The following BDP1 variants were observed in gnomAD, a reference collection of about 807,000 sequenced individuals.
The protein encoded by BDP1 is transcription factor TFIIIB component B'' homolog.
BDP1 carries 169 observed loss-of-function variants against 266.6 expected under a neutral mutation model. The observed-to-expected ratio is 0.63, with a 90% CI of 0.56 to 0.72. The LOEUF (loss-of-function observed/expected upper bound fraction) is 0.72, where lower values mean the gene tolerates loss of function less well. Ranked by LOEUF, BDP1 falls within the 30% of genes least tolerant of loss-of-function variation. BDP1 has a pLI of 0.00. For synonymous variants in BDP1, 1,090 were observed against 1,022.4 expected (o/e 1.07, Z -1.26); for missense variants, 3,015 against 3,053.8 (o/e 0.99, Z 0.30).
chr5:71,562,956 G>T (rs1207902761), intron 38 of BDP1: 7 of 1,183,454 alleles, frequency 5.9e-6, no homozygotes, highest in Non-Finnish European at 7.5e-6. Flanking sequence ...AAATATTGGG[G>T]TGACTTAAGA....
intron 28 of BDP1, among the ~76,000 whole-genome samples, chr5:71,541,001 T>G (rs1362360921): frequency 6.6e-6 from 1 of 152,102 alleles, no homozygotes; most frequent in African/African-American, 2.4e-5. Flanking sequence ...ATCAGGAAAG[T>G]CTCTGATTTG....
intron 2 of BDP1, among the ~76,000 whole-genome samples, chr5:71,461,356 G>T (rs764336338): frequency 6.6e-6 from 1 of 151,840 alleles, no homozygotes; most frequent in African/African-American, 2.4e-5. Flanking sequence ...GTTCACTCCA[G>T]TGCTTTAGGA....
intron 35 of BDP1, among the ~76,000 whole-genome samples, chr5:71,556,018 T>C (rs1743193533): frequency 2.0e-5 from 3 of 151,920 alleles, no homozygotes; most frequent in Non-Finnish European, 4.4e-5. Flanking sequence ...TTCCATTTGT[T>C]TAAGTCTTGT....
Position 71,544,350 on chromosome 5 carries a change from G to A in BDP1, c.6413-7G>A. 1 of 1,605,818 alleles carries A rather than the reference G, an allele frequency of 6.2e-7. No homozygotes were observed. The highest frequency in any genetic ancestry group is 8.5e-7 in the Non-Finnish European group (1 of 1,177,880). Reference sequence around the variant, plus strand: ...GGTCTATATCGTAAGTGTGCTTTTTGTTTAAGAAACAGAGAAAAATGCTTC... The same window carrying A: ...GGTCTATATCGTAAGTGTGCTTTTTATTTAAGAAACAGAGAAAAATGCTTC... On this transcript the variant is annotated splice_region_variant and splice_polypyrimidine_tract_variant and intron_variant, in intron 30 of 38. Transcript: ENST00000358731.
In BDP1 at chr5:71,510,193, A is replaced by G. The variant is rs557193260; in HGVS notation, c.3101A>G (p.Glu1034Gly). ...CCAGAGGTGATTGATGCTACTGAGGAAATAGATTTGGAAGAAACTGAAAGA... is the reference window on the plus strand; with the variant it reads ...CCAGAGGTGATTGATGCTACTGAGGGAATAGATTTGGAAGAAACTGAAAGA... ...KTPEVIDATE[E>G]IDLEETEREV... The change falls in exon 17 of 39, where the codon GAA becomes GGA. Residue 1034 changes from glutamate (E) to glycine (G), a missense_variant. Glu to Gly is a moderately conservative substitution (Grantham distance 98, BLOSUM62 -2). Coordinates refer to ENST00000358731, the MANE Select transcript of BDP1 (RefSeq NM_018429.3). 36 of 1,613,846 alleles carry G rather than the reference A, an allele frequency of 2.2e-5. No homozygotes were observed. The East Asian group carries it at 7.8e-4, about 35-fold the overall frequency.
In BDP1 at chr5:71,541,672, A is replaced by G; in HGVS notation, c.6241A>G (p.Thr2081Ala). 1 of 1,570,026 alleles carries G rather than the reference A, an allele frequency of 6.4e-7. No individual in the cohort carries two copies. Among genetic ancestry groups the G allele is most frequent in the Non-Finnish European group, 8.6e-7 (1 of 1,158,156 alleles). Residue 2081 changes from threonine (T) to alanine (A), a missense_variant, in exon 29 of 39, where the codon ACA becomes GCA. Coordinates refer to ENST00000358731, the MANE Select transcript of BDP1 (RefSeq NM_018429.3). Reference sequence around the variant, plus strand: ...AATGGAGAAAGTAAAGGAGAATGCTACACCAACCAGGTTTATTTTAGTATT... The same window carrying G: ...AATGGAGAAAGTAAAGGAGAATGCTGCACCAACCAGGTTTATTTTAGTATT... ...SLMEKVKENA[T>A]PTRNTISKVT...
chr5:71,546,803 C>G (rs553065820), intron 32 of BDP1, among the ~76,000 whole-genome samples: 1 of 151,842 alleles, frequency 6.6e-6, no homozygotes, highest in Admixed American at 6.6e-5. Context: ...ATGTAATATA[C>G]AGTTTCATTC....
intron 34 of BDP1, among the ~76,000 whole-genome samples, chr5:71,552,502 C>T (rs10057018): frequency 2.6e-3 from 396 of 152,330 alleles, no homozygotes; most frequent in Non-Finnish European, 3.8e-3. Context: ...GAGCCGAGAT[C>T]ACGCCACCGC....
intron 3 of BDP1, among the ~76,000 whole-genome samples, chr5:71,463,267 G>A (rs1249644684): frequency 1.3e-5 from 2 of 152,164 alleles, no homozygotes; most frequent in African/African-American, 4.8e-5. Flanking sequence ...CTTTATTAAA[G>A]TTAGCCTGGG....
intron 12 of BDP1, 133 bp from the exon 13 acceptor site, chr5:71,497,137 T>C: frequency 1.5e-6 from 1 of 688,406 alleles, no homozygotes; most frequent in Non-Finnish European, 2.4e-6. Flanking sequence ...TTAGTCTCTT[T>C]AAGTTTTCTT....
intron 18 of BDP1, 63 bp from the exon 19 acceptor site, chr5:71,513,122 T>G: frequency 1.7e-6 from 2 of 1,145,952 alleles, no homozygotes; most frequent in Non-Finnish European, 1.3e-6. Flanking sequence ...AAGGTTGTAC[T>G]GAGACTCCGT....
intron 38 of BDP1, among the ~76,000 whole-genome samples, chr5:71,563,382 A>G (rs1178044284): frequency 6.6e-6 from 1 of 152,164 alleles, no homozygotes; most frequent in East Asian, 1.9e-4. Flanking sequence ...GCCTGGCCTC[A>G]AGCCTTGGCC....
intron 7 of BDP1, among the ~76,000 whole-genome samples, chr5:71,478,233 G>C (rs1762716983): frequency 6.6e-6 from 1 of 152,044 alleles, no homozygotes; most frequent in Non-Finnish European, 1.5e-5. Flanking sequence ...TGGGTAACAA[G>C]AGCAAAACTC....
chr5:71,534,210 A>AT (rs1429185142), intron 26 of BDP1, among the ~76,000 whole-genome samples: 1 of 152,154 alleles, frequency 6.6e-6, no homozygotes, highest in Non-Finnish European at 1.5e-5. Flanking sequence ...CTAAAAGATG[A>AT]TTTTTGCTTT....
chr5:71,486,052 G>A (rs1763240283), intron 8 of BDP1, among the ~76,000 whole-genome samples: 1 of 152,120 alleles, frequency 6.6e-6, no homozygotes, highest in South Asian at 2.1e-4. Context: ...AATCACCATA[G>A]ATAGCTTAGT....
chr5:71,509,405 A>G, intron 16 of BDP1, 60 bp from the exon 17 acceptor site: 3 of 1,467,392 alleles, frequency 2.0e-6, no homozygotes, highest in Non-Finnish European at 2.7e-6. Context: ...CTCAAACATC[A>G]TCTCTTCAGC....
At chr5:71,464,960 G>A (rs1275704247) in intron 4 of BDP1, among the ~76,000 whole-genome samples, 1 of 151,542 alleles carries the variant, frequency 6.6e-6, no homozygotes, top group African/African-American at 2.4e-5. Flanking sequence ...CTCGTGATCG[G>A]CCCGCCTCGG....
intron 15 of BDP1, 49 bp downstream of exon 15, chr5:71,502,840 C>T: frequency 7.0e-7 from 1 of 1,425,078 alleles, no homozygotes; most frequent in Non-Finnish European, 9.7e-7. Context: ...AGTACATGAG[C>T]CTTAATATAA....
intron 35 of BDP1, 46 bp downstream of exon 35, chr5:71,553,366 T>A: frequency 7.5e-7 from 1 of 1,326,320 alleles, no homozygotes; most frequent in Non-Finnish European, 1.1e-6. Context: ...TTAAGTAAGA[T>A]GGCCATATTG....
Sources: allele counts gnomAD v4.1 joint callset (sites outside exome capture counted in the v4.1 genomes callset), GRCh38; gene constraint gnomAD v4.1.1; transcripts MANE v1.5; gene names NCBI Gene and HGNC (gene_info 2026-07-23, HGNC 2026-07-21).